Variants in WDR81 observed in about 807,000 individuals in gnomAD.
WDR81 encodes WD repeat-containing protein 81.
In WDR81, 92 loss-of-function variants were observed where a neutral mutation model predicts 140.8. That is an observed-to-expected ratio of 0.65 (90% CI 0.55 to 0.78). The LOEUF is 0.78. Among genes scored for constraint, WDR81 ranks in the 30% least tolerant of loss-of-function variants. The pLI is 0.00. For missense variants in WDR81, 2,502 were observed against 2,636.4 expected (o/e 0.95, Z 1.12); for synonymous variants, 1,183 against 1,156.4 (o/e 1.02, Z -0.47).
rs1229438049 is a variant in WDR81, at chr17:1,727,960, C to T, written c.3001C>T (p.Leu1001Phe). 18 of 1,550,134 alleles carry T rather than the reference C, an allele frequency of 1.2e-5. No individual in the cohort carries two copies. Among genetic ancestry groups the T allele is most frequent in the Non-Finnish European group, 1.6e-5 (18 of 1,147,020 alleles). ...GGTGCGGCTGGGCCTGCAGGCATTT[C>T]TCACTCACCTGCTGCCCCATGTCCT... ...LMVRLGLQAF[L>F]THLLPHVLQV... is the part of the protein sequence containing the mutation. The change falls in exon 1 of 10, where the codon CTC (leucine) becomes TTC (phenylalanine). Residue 1001 changes from leucine (L) to phenylalanine (F), a missense_variant. This residue lies in a region of WDR81 where 1,737 missense variants were observed against 1,843.0 expected (regional missense o/e 0.94). Transcript: ENST00000409644.
upstream of WDR81, chr17:1,724,607 G>C: frequency 1.0e-6 from 1 of 999,598 alleles, no homozygotes; most frequent in Non-Finnish European, 1.2e-6. Flanking sequence ...GCGGGAGGGA[G>C]GGCGGGGAGG....
At position 1,724,736 on chromosome 17, in the gene WDR81, C is replaced by G; in HGVS notation, c.-224C>G. 1.8e-6 allele frequency: 2 copies of G among 1,110,142 alleles called. No individual in the cohort carries two copies. The highest frequency in any genetic ancestry group is 1.1e-6 in the Non-Finnish European group (1 of 911,356). The allele number at this position is 1,110,142 out of a possible 1,614,324, so 68.8% of individuals were successfully genotyped here. ...CCGTCACGGTGGAGCCCGGTGCTCG[C>G]GCCCGGCAGCCTCTGCCCCGCCGCG... On this transcript the variant is annotated 5_prime_UTR_variant, in exon 1 of 10. Coordinates refer to ENST00000409644, the MANE Select transcript of WDR81 (RefSeq NM_001163809.2).
Position 1,734,006 on chromosome 17 carries a change from CT to C in WDR81, c.4970del (p.Leu1657GlnfsTer8). On this transcript the variant is annotated frameshift_variant, in exon 7 of 10. Transcript: ENST00000409644. LOFTEE classifies it high-confidence loss of function. ...HSGAVKCVAP[L>X]SSEDFFLSGS... ...GGGGGCCGTCAAGTGCGTGGCACCC[CT>C]AAGCAGCGAGGACTTCTTCCTGAGC... 1 of 1,612,776 alleles carries C rather than the reference CT, an allele frequency of 6.2e-7. No individual in the cohort carries two copies.
chr17:1,725,322 G>T lies in WDR81; in HGVS notation c.363G>T (p.Gly121=). The change falls in exon 1 of 10, where the codon GGG becomes GGT. Residue 121 remains glycine, a synonymous_variant. Transcript: ENST00000409644. The part of the protein sequence containing the change: ...RKRRLSYPLG[G]GLPFEDGSCG... ...GGAGACTGTCCTACCCTCTGGGCGG[G>T]GGCCTGCCCTTTGAGGACGGGTCCT... 1 of 1,548,756 alleles carries T rather than the reference G, an allele frequency of 6.5e-7. No homozygotes were observed. The highest frequency in any genetic ancestry group is 8.7e-7 in the Non-Finnish European group (1 of 1,146,974).
At chr17:1,730,321 T>TG (rs1222134936) in intron 1 of WDR81, 59 bp from the exon 2 acceptor site, 10 of 1,040,354 alleles carry the variant, frequency 9.6e-6, no homozygotes, top group Non-Finnish European at 1.2e-5. Flanking sequence ...TGGGGTGGGG[T>TG]GGGAGGGGTG....
At position 1,726,248 on chromosome 17, in the gene WDR81, GCGGCGGGGAACCC is replaced by G; in HGVS notation, c.1291_1303del (p.Gly431LeufsTer91). ...CAGGCATTCGTAGCAGGCGGGGCGG[GCGGCGGGGAACCC>G]CCTCATGTTCCCCACCACATCTCAG... is the stretch of plus-strand genomic sequence containing the variant. On this transcript the variant is annotated frameshift_variant, in exon 1 of 10. Coordinates refer to ENST00000409644, the MANE Select transcript of WDR81 (RefSeq NM_001163809.2). LOFTEE classifies it high-confidence loss of function. The G allele has an allele frequency of 2.0e-6, 3 of 1,534,154 alleles. No individual in the cohort carries two copies. The highest frequency in any genetic ancestry group is 2.6e-6 in the Non-Finnish European group (3 of 1,137,526).
intron 3 of WDR81, 37 bp from the exon 4 acceptor site, chr17:1,731,031 T>C (rs1165416631): frequency 6.2e-7 from 1 of 1,606,044 alleles, no homozygotes; most frequent in Non-Finnish European, 8.5e-7. Context: ...AGGGGGTCTG[T>C]GGGGCTGCCC....
rs1904553687 is a variant in WDR81 at position 1,733,523 on chromosome 17, C to T, written c.4490-4C>T. The T allele has an allele frequency of 6.6e-7, 1 of 1,516,020 alleles. No homozygotes were observed. 93.9% of individuals were successfully genotyped at this position (1,516,020 alleles called of 1,614,324 possible). On this transcript the variant is annotated splice_region_variant and splice_polypyrimidine_tract_variant and intron_variant, in intron 6 of 9. Transcript: ENST00000409644. Reference sequence around the variant, plus strand: ...GTCTCAGGACCTCTCCCACTCCTATCCAGGTGACATCATCCGGAAAATCAT... The same window carrying T: ...GTCTCAGGACCTCTCCCACTCCTATTCAGGTGACATCATCCGGAAAATCAT...
At chr17:1,723,215 C>T (rs1312557672), upstream of WDR81, among the ~76,000 whole-genome samples, 2 of 151,954 alleles carry the variant, frequency 1.3e-5, no homozygotes, top group African/African-American at 2.4e-5. Flanking sequence ...TATCCTGTGC[C>T]GCACCCTTCC....
At chr17:1,734,573 G>A (rs1904688314) in intron 7 of WDR81, among the ~76,000 whole-genome samples, 2 of 152,002 alleles carry the variant, frequency 1.3e-5, no homozygotes, top group African/African-American at 4.8e-5. Context: ...GAGGTCAGGA[G>A]ATCGAGATCA....
Position 1,727,023 on chromosome 17 carries a change from ACTTCTCT to A in WDR81, c.2068_2074del (p.Leu690SerfsTer54). 6.5e-7 allele frequency: 1 copy of A among 1,550,190 alleles called. No homozygotes were observed. Among genetic ancestry groups the A allele is most frequent in the South Asian group, 1.2e-5 (1 of 84,054 alleles). The stretch of plus-strand genomic sequence containing the variant: ...GCTCCTCCAGTCAAGCGTCCCCTGG[ACTTCTCT>A]CTTTCTCAGTGGCCTCAGCCTCCCG... On this transcript the variant is annotated frameshift_variant, in exon 1 of 10. Transcript: ENST00000409644. LOFTEE classifies it high-confidence loss of function.
chr17:1,718,210 C>T (rs1257755320), intron 1 of WDR81, among the ~76,000 whole-genome samples: 2 of 152,040 alleles, frequency 1.3e-5, no homozygotes, highest in African/African-American at 4.8e-5. Context: ...CTCCACCTCC[C>T]GGGTTCAAGC....
rs368440607 is a variant in WDR81 at position 1,728,070 on chromosome 17, C to T, written c.3111C>T (p.Pro1037=). 2.4e-5 allele frequency: 38 copies of T among 1,583,678 alleles called. No homozygotes were observed. The highest frequency in any genetic ancestry group is 1.7e-4 in the Middle Eastern group (1 of 5,988). ...CTGAGGAGGAGGAGAGCGGGCTGCC[C>T]GGGGCCGGGCCTGGCTCCTGTGCTT... ...GAAEEEESGL[P]GAGPGSCAFG... Residue 1037 remains proline, a synonymous_variant, in exon 1 of 10, where the codon CCC becomes CCT. Transcript: ENST00000409644.
rs1915207894 is a variant in WDR81 at position 1,725,863 on chromosome 17, G to A, written c.904G>A (p.Asp302Asn). 1 of 1,550,812 alleles carries A rather than the reference G, an allele frequency of 6.4e-7. No homozygotes were observed. The highest frequency in any genetic ancestry group is 8.7e-7 in the Non-Finnish European group (1 of 1,146,908). The change falls in exon 1 of 10, where the codon GAC becomes AAC. Residue 302 changes from aspartate (D) to asparagine (N), a missense_variant. By Grantham distance (23) the Asp-to-Asn change is conservative. This residue lies in a region of WDR81 where 547 missense variants were observed against 513.8 expected (regional missense o/e 1.06). Coordinates refer to ENST00000409644, the MANE Select transcript of WDR81 (RefSeq NM_001163809.2). ...DEKLCSELRL[D>N]LSAYERPEED... ...GAAGCTTTGCAGCGAGCTGCGACTG[G>A]ACCTGAGTGCTTATGAGAGGCCCGA...
rs760861728 is a variant in WDR81 at position 1,737,480 on chromosome 17, C to T, written c.5621C>T (p.Thr1874Ile). 1.2e-6 allele frequency: 2 copies of T among 1,613,276 alleles called. No individual in the cohort carries two copies. Among genetic ancestry groups the T allele is most frequent in the South Asian group, 1.1e-5 (1 of 91,086 alleles). The stretch of plus-strand genomic sequence containing the variant: ...AAGTCAGCATCCGACCCCATCCACA[C>T]CTTTGACCTGTACGGCAGCGAGGTG... Reference protein sequence around the residue: ...HYKSASDPIHTFDLYGSEVVT... With the variant: ...HYKSASDPIHIFDLYGSEVVT... The change falls in exon 10 of 10, where the codon ACC becomes ATC. Residue 1874 changes from threonine (T) to isoleucine (I), a missense_variant. By Grantham distance (89) the Thr-to-Ile change is moderately conservative. Coordinates refer to ENST00000409644, the MANE Select transcript of WDR81 (RefSeq NM_001163809.2).
chr17:1,717,184 A>AT (rs1914618160), intron 1 of WDR81: 1 of 154,266 alleles, frequency 6.5e-6, no homozygotes, highest in Non-Finnish European at 1.4e-5. Context: ...TAGGGAAGAG[A>AT]TTCGAAGGTG....
At position 1,733,761 on chromosome 17, in the gene WDR81, G is replaced by A. The variant is rs1484787623; in HGVS notation, c.4724G>A (p.Arg1575Gln). The change falls in exon 7 of 10, where the codon CGG becomes CAG. Residue 1575 changes from arginine to glutamine, a missense_variant. By Grantham distance (43) the Arg-to-Gln change is conservative. Around this residue, in one of 3 missense-constraint regions of WDR81, gnomAD observed 1,737 missense variants for 1,843.0 expected, o/e 0.94. Transcript: ENST00000409644. ...GNRIQIPNDS[R>Q]PENPGPLGPI... is the part of the protein sequence containing the mutation. Reference sequence around the variant, plus strand: ...CGCATTCAGATCCCCAATGACTCTCGGCCTGAGAACCCCGGACCACTGGGC... The same window carrying A: ...CGCATTCAGATCCCCAATGACTCTCAGCCTGAGAACCCCGGACCACTGGGC... 1.1e-5 allele frequency: 17 copies of A among 1,612,456 alleles called. No individual in the cohort carries two copies. The highest frequency in any genetic ancestry group is 6.6e-5 in the South Asian group (6 of 91,072).
chr17:1,737,285 A>T, intron 9 of WDR81, 80 bp from the exon 10 acceptor site: 1 of 1,398,148 alleles, frequency 7.2e-7, no homozygotes, highest in Non-Finnish European at 9.5e-7. Context: ...GAAACTGCGG[A>T]GGGAACTGGG....
upstream of WDR81, chr17:1,724,395 C>G: frequency 1.2e-6 from 1 of 825,812 alleles, no homozygotes. Context: ...CCCAGTTCTG[C>G]CCCTGGTTGT....
Sources: gnomAD v4.1 joint callset for allele counts (sites outside exome capture counted in the v4.1 genomes callset) on GRCh38, gnomAD v4.1.1 for gene constraint, gnomAD v4.1.1 regional missense constraint, MANE v1.5 for transcripts, NCBI Gene and HGNC (gene_info 2026-07-23, HGNC 2026-07-21) for gene names.